ELAPOR1: variants seen among roughly 807,000 people sequenced by gnomAD.
ELAPOR1 encodes endosome/lysosome-associated apoptosis and autophagy regulator 1.
Under a neutral mutation model 119.7 loss-of-function variants are expected in ELAPOR1, and 77 were observed. The observed-to-expected ratio is 0.64, with a 90% confidence interval of 0.54 to 0.78. The LOEUF (loss-of-function observed/expected upper bound fraction) is 0.78. Ranked by LOEUF, ELAPOR1 falls within the 30% of genes least tolerant of loss-of-function variation. The pLI is 0.00. For missense variants in ELAPOR1, 1,115 were observed against 1,270.4 expected (o/e 0.88, Z 1.86); for synonymous variants, 481 against 487.2 (o/e 0.99, Z 0.17).
Position 109,191,778 on chromosome 1 carries a change from G to A in ELAPOR1, c.1598G>A (p.Gly533Asp). The change falls in exon 13 of 22, where the codon GGC becomes GAC. Residue 533 changes from glycine to aspartate, a missense_variant. Transcript: ENST00000369939. The part of the protein sequence containing the change: ...TPVETWKGSK[G>D]KQSYTYIIEE... The stretch of plus-strand genomic sequence containing the variant: ...GTGGAGACGTGGAAAGGTTCCAAAG[G>A]CAAACAGTCCTATACCTACATCATT... 1 of 1,614,212 alleles carries A rather than the reference G, an allele frequency of 6.2e-7. No homozygotes were observed. The highest frequency in any genetic ancestry group is 8.5e-7 in the Non-Finnish European group (1 of 1,180,038).
chr1:109,145,220 T>C (rs1331956234), intron 1 of ELAPOR1, among the ~76,000 whole-genome samples: 2 of 152,274 alleles, frequency 1.3e-5, no homozygotes, highest in East Asian at 3.9e-4. Flanking sequence ...AAGAAGGCTC[T>C]CACTAGACAC....
chr1:109,147,652 C>T (rs1214371470), intron 1 of ELAPOR1, among the ~76,000 whole-genome samples: 3 of 151,448 alleles, frequency 2.0e-5, no homozygotes, highest in African/African-American at 4.9e-5. Flanking sequence ...TGAATTGTAA[C>T]GAATGTACCA....
At position 109,128,058 on chromosome 1, in the gene ELAPOR1, A is replaced by G. The variant is rs534331429; in HGVS notation, c.153+13722A>G. Among the ~76,000 whole-genome samples, 5 of 152,076 alleles carry G rather than the reference A, an allele frequency of 3.3e-5. No homozygotes were observed. The East Asian group carries it at 9.7e-4, about 29-fold the overall frequency. On this transcript the variant is annotated intron_variant, in intron 1 of 21. Transcript: ENST00000369939. ...CCAGCTAAGTTTTATATTTTTATAG[A>G]GACAGAGTTTCACCATGTTGGCCAG... is the stretch of plus-strand genomic sequence containing the variant.
At chr1:109,120,035 A>G (rs764775525) in intron 1 of ELAPOR1, among the ~76,000 whole-genome samples, 1 of 152,206 alleles carries the variant, frequency 6.6e-6, no homozygotes, top group Non-Finnish European at 1.5e-5. Flanking sequence ...CTAATCCTCA[A>G]TGCAATGGTA....
chr1:109,133,769 G>A (rs1360386539), intron 1 of ELAPOR1, among the ~76,000 whole-genome samples: 1 of 152,196 alleles, frequency 6.6e-6, no homozygotes, highest in African/African-American at 2.4e-5. Flanking sequence ...GGAGGAAATA[G>A]ATAGCTTGTT....
At chr1:109,174,199 T>C (rs1486373536) in intron 7 of ELAPOR1, among the ~76,000 whole-genome samples, 2 of 151,382 alleles carry the variant, frequency 1.3e-5, no homozygotes, top group African/African-American at 4.9e-5. Context: ...TTTATTTTTA[T>C]AGAGACAGGG....
chr1:109,171,808 G>A (rs775070361), intron 3 of ELAPOR1, 58 bp from the exon 4 acceptor site: 12 of 1,580,816 alleles, frequency 7.6e-6, no homozygotes, highest in Non-Finnish European at 1.0e-5. Flanking sequence ...CCTGCACATG[G>A]CACAAAGCCT....
intron 1 of ELAPOR1, among the ~76,000 whole-genome samples, chr1:109,123,244 C>T (rs1002271237): frequency 6.6e-6 from 1 of 152,164 alleles, no homozygotes; most frequent in African/African-American, 2.4e-5. Flanking sequence ...ATTTTTGAAG[C>T]ATACCACTAG....
intron 8 of ELAPOR1, 140 bp from the exon 9 acceptor site, chr1:109,188,037 A>G: frequency 7.0e-7 from 1 of 1,427,876 alleles, no homozygotes; most frequent in Non-Finnish European, 9.2e-7. Flanking sequence ...TCCGTGAGCC[A>G]CACAAAGTTC....
chr1:109,167,521 G>T (rs1651672012), intron 3 of ELAPOR1, among the ~76,000 whole-genome samples: 1 of 152,172 alleles, frequency 6.6e-6, no homozygotes, highest in African/African-American at 2.4e-5. Context: ...AATCCTGCCT[G>T]CTCTGCCTCA....
intron 1 of ELAPOR1, among the ~76,000 whole-genome samples, chr1:109,143,615 G>A (rs973314402): frequency 1.3e-5 from 2 of 152,128 alleles, no homozygotes; most frequent in Non-Finnish European, 2.9e-5. Context: ...TAGAGCATAC[G>A]ATTTTTATCT....
intron 1 of ELAPOR1, among the ~76,000 whole-genome samples, chr1:109,144,363 T>G (rs1650047972): frequency 6.6e-6 from 1 of 152,144 alleles, no homozygotes; most frequent in African/African-American, 2.4e-5. Context: ...AAAATTATAT[T>G]TGAAGAAGTG....
At chr1:109,166,949 TG>T (rs1490728168) in intron 3 of ELAPOR1, among the ~76,000 whole-genome samples, 1 of 152,236 alleles carries the variant, frequency 6.6e-6, no homozygotes, top group East Asian at 1.9e-4. Flanking sequence ...ACTTAAATCT[TG>T]TCTAAGCCAA....
chr1:109,160,652 C>G (rs1413371728), intron 1 of ELAPOR1, among the ~76,000 whole-genome samples: 3 of 152,214 alleles, frequency 2.0e-5, no homozygotes, highest in Non-Finnish European at 4.4e-5. Flanking sequence ...ACATGTTATG[C>G]AATCAGGCTA....
chr1:109,188,449 C>T, intron 9 of ELAPOR1, 95 bp downstream of exon 9: 3 of 1,383,932 alleles, frequency 2.2e-6, no homozygotes, highest in South Asian at 2.7e-5. Flanking sequence ...AGACTCTGCC[C>T]TTCCAAGGGA....
At chr1:109,116,529 A>AT (rs2100947295) in intron 1 of ELAPOR1, among the ~76,000 whole-genome samples, 1 of 152,328 alleles carries the variant, frequency 6.6e-6, no homozygotes, top group South Asian at 2.1e-4. Flanking sequence ...AACAGTGGCC[A>AT]TTGAACACCC....
chr1:109,197,233 G>C (rs556414930), intron 15 of ELAPOR1, among the ~76,000 whole-genome samples: 1 of 152,004 alleles, frequency 6.6e-6, no homozygotes, highest in Non-Finnish European at 1.5e-5. Flanking sequence ...GCTTTAGTGA[G>C]CTATGATTGC....
chr1:109,161,869 T>C, intron 1 of ELAPOR1, 25 bp from the exon 2 acceptor site: 2 of 1,592,916 alleles, frequency 1.3e-6, no homozygotes, highest in Non-Finnish European at 1.7e-6. Flanking sequence ...AATGCACATT[T>C]CGCCCACTGT....
At chr1:109,181,820 A>G (rs1177213223) in intron 7 of ELAPOR1, among the ~76,000 whole-genome samples, 1 of 152,112 alleles carries the variant, frequency 6.6e-6, no homozygotes, top group East Asian at 1.9e-4. Context: ...CCACCTGTCC[A>G]GCCTAATAAG....
Sources: gnomAD v4.1 joint callset for allele counts (sites outside exome capture counted in the v4.1 genomes callset) on GRCh38, gnomAD v4.1.1 for gene constraint, MANE v1.5 for transcripts, NCBI Gene and HGNC (gene_info 2026-07-23, HGNC 2026-07-21) for gene names.